KLHL1: variants seen among roughly 807,000 people sequenced by gnomAD.
The protein encoded by KLHL1 is kelch like family member 1, also known as kelch-like protein 1.
In KLHL1, 47 loss-of-function variants were observed where a neutral mutation model predicts 77.7. That is an observed-to-expected ratio of 0.60 (90% CI 0.48 to 0.77). KLHL1 has a LOEUF of 0.77. Among genes scored for constraint, KLHL1 ranks in the 30% least tolerant of loss-of-function variants. KLHL1 has a pLI of 0.00. For missense variants in KLHL1, 925 were observed against 910.8 expected, an observed-to-expected ratio of 1.02 and a Z score of -0.20; for synonymous variants, 360 against 325.2, an observed-to-expected ratio of 1.11 and a Z score of -1.15.
chr13:69,719,719 TAA>T (rs1872956400), intron 8 of KLHL1, 138 bp from the exon 9 acceptor site: 1 of 635,460 alleles, frequency 1.6e-6, no homozygotes, highest in Admixed American at 3.1e-5. Flanking sequence ...GAGATTTTGT[TAA>T]AGATACTCAA....
At chr13:70,034,012 A>G (rs1886182167) in intron 1 of KLHL1, among the ~76,000 whole-genome samples, 1 of 152,148 alleles carries the variant, frequency 6.6e-6, no homozygotes, top group South Asian at 2.1e-4. Context: ...ATCCCATGAC[A>G]TTCCTGGGAA....
chr13:69,726,093 T>C (rs1873287329), intron 8 of KLHL1, among the ~76,000 whole-genome samples: 1 of 152,176 alleles, frequency 6.6e-6, no homozygotes, highest in African/African-American at 2.4e-5. Flanking sequence ...CAATTTTTCA[T>C]ACTTTACCAA....
At chr13:69,755,886 A>C (rs904203026) in intron 7 of KLHL1, among the ~76,000 whole-genome samples, 3 of 151,630 alleles carry the variant, frequency 2.0e-5, no homozygotes, top group Non-Finnish European at 4.4e-5. Flanking sequence ...GTTTGCATTC[A>C]GCCTAATCAC....
intron 2 of KLHL1, among the ~76,000 whole-genome samples, chr13:69,975,212 T>A (rs7333556): frequency 0.61 from 93,066 of 151,744 alleles, 28,712 homozygotes; most frequent in Middle Eastern, 0.65. Context: ...TAGCCAAGAT[T>A]ACCTTTCTTT....
At chr13:70,097,708 C>T (rs1276607893) in intron 1 of KLHL1, among the ~76,000 whole-genome samples, 3 of 151,836 alleles carry the variant, frequency 2.0e-5, no homozygotes, top group South Asian at 4.1e-4. Context: ...TTTACTATCA[C>T]AATTGCAAAC....
intron 3 of KLHL1, among the ~76,000 whole-genome samples, chr13:69,950,221 C>T (rs779354083): frequency 6.6e-6 from 1 of 151,622 alleles, no homozygotes; most frequent in Non-Finnish European, 1.5e-5. Context: ...TTCTGTCCAC[C>T]TTATACCTAT....
chr13:70,102,124 T>C (rs901195655), intron 1 of KLHL1, among the ~76,000 whole-genome samples: 6 of 152,236 alleles, frequency 3.9e-5, no homozygotes, highest in Middle Eastern at 3.4e-3. Flanking sequence ...AAGTTGGTTA[T>C]CCCCTTGACT....
intron 5 of KLHL1, among the ~76,000 whole-genome samples, chr13:69,854,842 T>C (rs896322698): frequency 6.6e-6 from 1 of 152,014 alleles, no homozygotes; most frequent in African/African-American, 2.4e-5. Context: ...GCCAGAGGTA[T>C]AGAACGAGAA....
intron 10 of KLHL1, among the ~76,000 whole-genome samples, chr13:69,706,166 A>G (rs1225922435): frequency 6.6e-6 from 1 of 151,434 alleles, no homozygotes; most frequent in Non-Finnish European, 1.5e-5. Flanking sequence ...TTTTTTTTAC[A>G]TACAGTGCTC....
chr13:70,066,303 C>A (rs1306739787), intron 1 of KLHL1, among the ~76,000 whole-genome samples: 3 of 152,130 alleles, frequency 2.0e-5, no homozygotes, highest in Non-Finnish European at 4.4e-5. Flanking sequence ...GAGAGATTTA[C>A]TTTTTTAAAA....
At chr13:69,929,418 C>T (rs1392757369) in intron 4 of KLHL1, among the ~76,000 whole-genome samples, 1 of 151,820 alleles carries the variant, frequency 6.6e-6, no homozygotes, top group Non-Finnish European at 1.5e-5. Flanking sequence ...TACAGTAAAA[C>T]AGAAGAGTAA....
At chr13:70,025,614 G>A (rs1275443933) in intron 1 of KLHL1, among the ~76,000 whole-genome samples, 1 of 151,526 alleles carries the variant, frequency 6.6e-6, no homozygotes. Flanking sequence ...AAGTAAATTA[G>A]GAGATGCTAT....
chr13:69,861,785 TAAAAAAAA>T (rs34408474), intron 5 of KLHL1, among the ~76,000 whole-genome samples: 1 of 86,016 alleles, frequency 1.2e-5, no homozygotes, highest in Admixed American at 1.5e-4. Context: ...CCGTCTCTAC[TAAAAAAAA>T]AAAAAAAAAA....
rs551451278 is a variant in KLHL1 at position 69,920,817 on chromosome 13, C to CA, written c.1014+19222dup. Reference sequence around the variant, plus strand: ...ATATGTGTTTACATATTATCTCAGACAAAAAACACCTCTAAACATTAATTC... The same window carrying CA: ...ATATGTGTTTACATATTATCTCAGACAAAAAAACACCTCTAAACATTAATTC... On this transcript the variant is annotated intron_variant, in intron 4 of 10. Coordinates refer to ENST00000377844, the MANE Select transcript of KLHL1 (RefSeq NM_020866.3). Among the ~76,000 whole-genome samples, 875 of 152,070 alleles carry CA rather than the reference C, an allele frequency of 5.8e-3. 6 individuals are homozygous for CA. Among genetic ancestry groups the CA allele is most frequent in the African/African-American group, 0.02 (812 of 41,492 alleles).
chr13:69,727,858 T>A (rs1230975421), intron 8 of KLHL1, among the ~76,000 whole-genome samples: 1 of 152,090 alleles, frequency 6.6e-6, no homozygotes, highest in Non-Finnish European at 1.5e-5. Flanking sequence ...GCTCTTTTTT[T>A]TTTTTTAATC....
intron 1 of KLHL1, among the ~76,000 whole-genome samples, chr13:70,096,604 C>T (rs74516971): frequency 0.025 from 3,799 of 149,118 alleles, 110 homozygotes; most frequent in African/African-American, 0.072. Flanking sequence ...TTTTTCCTAT[C>T]GAGTTCTTTG....
chr13:69,951,651 C>T (rs540027317), intron 3 of KLHL1, among the ~76,000 whole-genome samples: 1 of 151,540 alleles, frequency 6.6e-6, no homozygotes, highest in Admixed American at 6.6e-5. Flanking sequence ...TCTGTGTTGA[C>T]AAAGATTTTG....
chr13:70,033,483 A>AT (rs1455288768), intron 1 of KLHL1, among the ~76,000 whole-genome samples: 1 of 146,950 alleles, frequency 6.8e-6, no homozygotes, highest in Non-Finnish European at 1.5e-5. Flanking sequence ...TATTTTTTGT[A>AT]TTTTTAGTAG....
chr13:70,047,940 G>C (rs1422456158), intron 1 of KLHL1, among the ~76,000 whole-genome samples: 1 of 152,094 alleles, frequency 6.6e-6, no homozygotes, highest in Admixed American at 6.5e-5. Context: ...GTATCTCTGA[G>C]CCTGAGTCCC....
Sources: gnomAD v4.1 joint callset for allele counts (sites outside exome capture counted in the v4.1 genomes callset) on GRCh38, gnomAD v4.1.1 for gene constraint, MANE v1.5 for transcripts, NCBI Gene and HGNC (gene_info 2026-07-23, HGNC 2026-07-21) for gene names.